ZNF383: variants seen among roughly 807,000 people sequenced by gnomAD.
ZNF383 encodes zinc finger protein 383.
Under a neutral mutation model 44.2 loss-of-function variants are expected in ZNF383, and 32 were observed. The observed-to-expected ratio is 0.72, with a 90% confidence interval of 0.55 to 0.97. ZNF383 has a LOEUF of 0.97. ZNF383 is among the 50% of genes least tolerant of loss of function. The pLI, the probability that ZNF383 is intolerant of heterozygous loss-of-function variation, is 0.00. For synonymous variants in ZNF383, 155 were observed against 186.2 expected (o/e 0.83, Z 1.36); for missense variants, 487 against 562.5 (o/e 0.87, Z 1.36).
At chr19:37,236,129 G>A (rs1443834131) in intron 5 of ZNF383, 55 bp downstream of exon 5, 1 of 1,417,602 alleles carries the variant, frequency 7.1e-7, no homozygotes, top group African/African-American at 1.4e-5. Flanking sequence ...AACTCAGCTG[G>A]TCAGGGAGGA....
At chr19:37,227,656 A>G (rs1973247414) in intron 2 of ZNF383, 1 of 152,642 alleles carries the variant, frequency 6.6e-6, no homozygotes, top group Non-Finnish European at 1.5e-5. Flanking sequence ...AGAGACCGGT[A>G]TTGGCCCCGA....
At position 37,243,342 on chromosome 19, in the gene ZNF383, A is replaced by G. The variant is rs1228522017; in HGVS notation, c.1106A>G (p.Lys369Arg). ...ACTGGTGAGAAACCCTATGATTGTA[A>G]GGAATGTGGAAAGGCTTTTACTCAG... is the stretch of plus-strand genomic sequence containing the variant. Reference protein sequence around the residue: ...IHTGEKPYDCKECGKAFTQSS... With the variant: ...IHTGEKPYDCRECGKAFTQSS... Residue 369 changes from lysine to arginine, a missense_variant, in exon 6 of 6, where the codon AAG becomes AGG. By Grantham distance (26) the Lys-to-Arg change is conservative. Coordinates refer to ENST00000684119, the MANE Select transcript of ZNF383 (RefSeq NM_001387601.1). 1.2e-6 allele frequency: 2 copies of G among 1,614,202 alleles called. No individual in the cohort carries two copies. The highest frequency in any genetic ancestry group is 2.2e-5 in the South Asian group (2 of 91,086).
intron 2 of ZNF383, among the ~76,000 whole-genome samples, chr19:37,229,279 C>T (rs1973336210): frequency 6.6e-6 from 1 of 150,756 alleles, no homozygotes; most frequent in South Asian, 2.1e-4. Flanking sequence ...CTCAGCCTCC[C>T]GAGTAGCTAA....
chr19:37,235,491 C>T (rs929715968), intron 3 of ZNF383, 58 bp from the exon 4 acceptor site: 10 of 1,580,456 alleles, frequency 6.3e-6, no homozygotes, highest in Admixed American at 3.4e-5. Flanking sequence ...ATACAAGCAT[C>T]GTAGTCTCTG....
Position 37,229,786 on chromosome 19 carries a change from G to GTGTA in ZNF383, c.-45-622_-45-621insGTAT, listed in dbSNP as rs556523426. Among the ~76,000 whole-genome samples, 102 of 91,158 alleles carry GTGTA rather than the reference G, an allele frequency of 1.1e-3. 1 individual carries two copies. The highest frequency in any genetic ancestry group is 4.0e-3 in the African/African-American group (97 of 24,136). The allele number at this position is 91,158 out of a possible 152,430, so 59.8% of individuals were successfully genotyped here. ...TGTATATATGTATATATATGTGTGTGTATATATATATATATATTTTTTTTT... is the reference window on the plus strand; with the variant it reads ...TGTATATATGTATATATATGTGTGTGTGTATATATATATATATATATTTTTTTTT... On this transcript the variant is annotated intron_variant, in intron 2 of 5. Transcript: ENST00000684119.
At chr19:37,229,630 GTGTATA>G (rs1973360966) in intron 2 of ZNF383, among the ~76,000 whole-genome samples, 1 of 143,606 alleles carries the variant, frequency 7.0e-6, no homozygotes, top group Admixed American at 7.1e-5. Context: ...GTGTGTGTGT[GTGTATA>G]TATATATATA....
At chr19:37,242,397 C>T in intron 5 of ZNF383, 72 bp from the exon 6 acceptor site, 1 of 983,846 alleles carries the variant, frequency 1.0e-6, no homozygotes, top group South Asian at 1.7e-5. Flanking sequence ...TTTAATTTTT[C>T]CATTTCTATT....
chr19:37,222,458 C>T (rs1343616898), intron 1 of ZNF383, among the ~76,000 whole-genome samples: 1 of 152,122 alleles, frequency 6.6e-6, no homozygotes, highest in Non-Finnish European at 1.5e-5. Flanking sequence ...CTCACCACAA[C>T]CTCCACCTCC....
intron 5 of ZNF383, among the ~76,000 whole-genome samples, chr19:37,236,319 T>A (rs560689981): frequency 1.3e-5 from 2 of 152,110 alleles, no homozygotes; most frequent in Non-Finnish European, 2.9e-5. Context: ...TACCTTTTAC[T>A]TCTCTAAAAA....
Position 37,221,968 on chromosome 19 carries a change from A to G in ZNF383, c.-167-2850A>G, listed in dbSNP as rs578129455. Among the ~76,000 whole-genome samples the G allele has an allele frequency of 4.6e-5, 7 of 151,454 alleles. No individual in the cohort carries two copies. In the South Asian group the frequency reaches 1.0e-3, roughly 23 times the overall value. ...GAGACTCTGTCTCAAAAAAAAAAAA[A>G]AAAAAGAAAAAGCATATTCCTTTGA... On this transcript the variant is annotated intron_variant, in intron 1 of 5. Transcript: ENST00000684119.
Position 37,236,059 on chromosome 19 carries a change from A to G in ZNF383, c.217A>G (p.Arg73Gly), listed in dbSNP as rs755920620. 2 of 1,613,556 alleles carry G rather than the reference A, an allele frequency of 1.2e-6. No individual in the cohort carries two copies. The highest frequency in any genetic ancestry group is 2.2e-5 in the East Asian group (1 of 44,842). Residue 73 changes from arginine (R) to glycine (G), a missense_variant, in exon 5 of 6, where the codon AGA becomes GGA. Transcript: ENST00000684119. ...EPWMVGRELT[R>G]GLCSDLESMC... ...CTGGATGGTTGGCAGAGAGCTTACA[A>G]GAGGCCTGTGTTCAGGTAAGTGAGA...
At chr19:37,229,652 ATATATGTGTGTATATATATGTATG>A (rs2145496294) in intron 2 of ZNF383, among the ~76,000 whole-genome samples, 1 of 145,348 alleles carries the variant, frequency 6.9e-6, no homozygotes, top group South Asian at 2.1e-4. Flanking sequence ...ATATATGTAT[ATATATGTGTGTATATATATGTATG>A]TATATGTGTG....
chr19:37,237,336 G>A (rs1369631626), intron 5 of ZNF383, among the ~76,000 whole-genome samples: 1 of 152,082 alleles, frequency 6.6e-6, no homozygotes, highest in Non-Finnish European at 1.5e-5. Context: ...CCTTGGAAGT[G>A]ACTGCAATCA....
intron 1 of ZNF383, among the ~76,000 whole-genome samples, chr19:37,222,099 T>G (rs970103423): frequency 1.1e-4 from 17 of 152,172 alleles, no homozygotes; most frequent in African/African-American, 4.1e-4. Flanking sequence ...AACTAATAGT[T>G]TGTCTTCTAT....
chr19:37,233,056 G>A (rs1290667570), intron 3 of ZNF383, among the ~76,000 whole-genome samples: 3 of 151,998 alleles, frequency 2.0e-5, no homozygotes, highest in South Asian at 4.1e-4. Context: ...AGTCACACTT[G>A]CATACAGTCC....
At chr19:37,233,796 A>G (rs1973627557) in intron 3 of ZNF383, among the ~76,000 whole-genome samples, 1 of 152,130 alleles carries the variant, frequency 6.6e-6, no homozygotes, top group African/African-American at 2.4e-5. Context: ...TCCAATTTCT[A>G]CATTGAGGAG....
intron 2 of ZNF383, chr19:37,226,382 A>G (rs909196546): frequency 6.6e-6 from 1 of 152,070 alleles, no homozygotes; most frequent in Admixed American, 6.6e-5. Context: ...ATTAGGGTTC[A>G]CTCCTGGTGT....
chr19:37,233,968 G>A (rs892051437), intron 3 of ZNF383, among the ~76,000 whole-genome samples: 2 of 151,848 alleles, frequency 1.3e-5, no homozygotes, highest in Non-Finnish European at 2.9e-5. Context: ...AGGTTCAAGC[G>A]ATTCTCCTGC....
chr19:37,236,243 C>T (rs779233387), intron 5 of ZNF383, among the ~76,000 whole-genome samples, 169 bp downstream of exon 5: 2 of 151,880 alleles, frequency 1.3e-5, no homozygotes, highest in Non-Finnish European at 2.9e-5. Context: ...CTGTTTCGCC[C>T]TTTTCCTCAC....
Sources: allele counts gnomAD v4.1 joint callset (sites outside exome capture counted in the v4.1 genomes callset), GRCh38; gene constraint gnomAD v4.1.1; transcripts MANE v1.5; gene names NCBI Gene and HGNC (gene_info 2026-07-23, HGNC 2026-07-21).